DIPK1A: variants seen among roughly 807,000 people sequenced by gnomAD.
DIPK1A encodes divergent protein kinase domain 1A, also known as family with sequence similarity 69 member A.
DIPK1A carries 27 observed loss-of-function variants against 40.8 expected under a neutral mutation model. The ratio of observed to expected loss-of-function variants is 0.66; its 90% confidence interval spans 0.49 to 0.91. The LOEUF (loss-of-function observed/expected upper bound fraction) is 0.91. Among genes scored for constraint, DIPK1A ranks in the 40% least tolerant of loss-of-function variants. The pLI is 0.00. For synonymous variants in DIPK1A, 166 were observed against 171.3 expected (o/e 0.97, Z 0.24); for missense variants, 412 against 505.7 (o/e 0.81, Z 1.78).
rs75466794 is a variant in DIPK1A at position 92,925,180 on chromosome 1, T to C, written c.54+36196A>G. ...TGGTCATGTTGTATTAATCCTTTTATTTATAGCTGGATTCAATTTGTTAAT... is the reference window on the plus strand; with the variant it reads ...TGGTCATGTTGTATTAATCCTTTTACTTATAGCTGGATTCAATTTGTTAAT... On this transcript the variant is annotated intron_variant, in intron 1 of 4. Coordinates refer to ENST00000370310, the MANE Select transcript of DIPK1A (RefSeq NM_001006605.5). Among the ~76,000 whole-genome samples the C allele has an allele frequency of 6.1e-3, 928 of 152,346 alleles. 8 individuals carry two copies. The highest frequency in any genetic ancestry group is 0.02 in the African/African-American group (827 of 41,588).
At chr1:92,886,640 A>C (rs1019557087) in intron 1 of DIPK1A, among the ~76,000 whole-genome samples, 19 of 152,254 alleles carry the variant, frequency 1.2e-4, no homozygotes, top group African/African-American at 4.6e-4. Flanking sequence ...ATAATATTGG[A>C]TAGTGATAAC....
chr1:92,945,896 G>A (rs1046601006), intron 1 of DIPK1A, among the ~76,000 whole-genome samples: 3 of 152,196 alleles, frequency 2.0e-5, no homozygotes, highest in Non-Finnish European at 2.9e-5. Context: ...GTGGCCGATG[G>A]ACAGTGATTT....
intron 2 of DIPK1A, among the ~76,000 whole-genome samples, chr1:92,875,512 T>C (rs1325471555): frequency 1.3e-5 from 2 of 151,490 alleles, no homozygotes; most frequent in East Asian, 3.8e-4. Flanking sequence ...AGGCTAGGAG[T>C]TCAAGACCAG....
chr1:92,908,263 G>A (rs10159030), intron 1 of DIPK1A, among the ~76,000 whole-genome samples: 2,234 of 152,180 alleles, frequency 0.015, 47 homozygotes, highest in African/African-American at 0.045. Flanking sequence ...GGGAGTAGTC[G>A]TCATCACCTG....
At chr1:92,959,198 A>T (rs1350937381) in intron 1 of DIPK1A, among the ~76,000 whole-genome samples, 3 of 152,048 alleles carry the variant, frequency 2.0e-5, no homozygotes, top group Non-Finnish European at 2.9e-5. Flanking sequence ...AGGTGAAAGG[A>T]TTACCTGAGC....
chr1:92,870,098 AC>A (rs1647763112), intron 2 of DIPK1A, among the ~76,000 whole-genome samples: 1 of 152,094 alleles, frequency 6.6e-6, no homozygotes, highest in African/African-American at 2.4e-5. Flanking sequence ...ACACACACAC[AC>A]ACACACACAC....
chr1:92,848,600 C>T (rs1345342024), intron 3 of DIPK1A, among the ~76,000 whole-genome samples: 2 of 152,188 alleles, frequency 1.3e-5, no homozygotes, highest in Non-Finnish European at 2.9e-5. Context: ...GATCCTCTTC[C>T]ACCCCCAGGT....
chr1:92,894,369 A>G (rs1305164779), intron 1 of DIPK1A, among the ~76,000 whole-genome samples: 4 of 152,126 alleles, frequency 2.6e-5, no homozygotes, highest in African/African-American at 7.3e-5. Context: ...CCGCTCAACT[A>G]CATGGAAACT....
chr1:92,885,524 T>G (rs1418035150), intron 1 of DIPK1A, among the ~76,000 whole-genome samples: 2 of 152,106 alleles, frequency 1.3e-5, no homozygotes, highest in Non-Finnish European at 2.9e-5. Context: ...CCCAGCTAAT[T>G]TTTGTATTTT....
In DIPK1A at chr1:92,843,991, C is replaced by T. The variant is rs755094640; in HGVS notation, c.679G>A (p.Val227Met). 5 of 1,551,988 alleles carry T rather than the reference C, an allele frequency of 3.2e-6. No homozygotes were observed. Among genetic ancestry groups the T allele is most frequent in the South Asian group, 2.4e-5 (2 of 84,060 alleles). The change falls in exon 5 of 5, where the codon GTG (valine) becomes ATG (methionine). Residue 227 changes from valine to methionine, a missense_variant. Coordinates refer to ENST00000370310, the MANE Select transcript of DIPK1A (RefSeq NM_001006605.5). ...GAGGTATATTCAACACTTTCCATCACATAGAGGTCACCACAGAATCCCATT... is the reference window on the plus strand; with the variant it reads ...GAGGTATATTCAACACTTTCCATCATATAGAGGTCACCACAGAATCCCATT... ...KLMGFCGDLY[V>M]MESVEYTSLY...
intron 2 of DIPK1A, among the ~76,000 whole-genome samples, chr1:92,865,317 C>G (rs1647485421): frequency 6.6e-6 from 1 of 151,288 alleles, no homozygotes; most frequent in Non-Finnish European, 1.5e-5. Context: ...GAGCTATGAT[C>G]CTGCCACTAC....
At chr1:92,853,201 T>C (rs895367252) in intron 2 of DIPK1A, among the ~76,000 whole-genome samples, 2 of 151,968 alleles carry the variant, frequency 1.3e-5, no homozygotes, top group African/African-American at 4.8e-5. Context: ...TGAAGGAGAA[T>C]GGGAACTGAA....
intron 1 of DIPK1A, among the ~76,000 whole-genome samples, chr1:92,949,971 G>A (rs1264942848): frequency 1.3e-5 from 2 of 152,180 alleles, no homozygotes; most frequent in Non-Finnish European, 2.9e-5. Context: ...CTCTCAAAGA[G>A]ATCACAGTCT....
At chr1:92,901,185 T>C (rs1649397575) in intron 1 of DIPK1A, among the ~76,000 whole-genome samples, 1 of 151,982 alleles carries the variant, frequency 6.6e-6, no homozygotes, top group African/African-American at 2.4e-5. Context: ...TCAAGGGCCT[T>C]TGGGGTCCTT....
rs1462473391 is a variant in DIPK1A, at chr1:92,948,765, A to ACG, written c.54+12610_54+12611insCG. ...TATATATACATATATATGTATATAT[A>ACG]TGTGTGTGTGTGTATATATATATAT... On this transcript the variant is annotated intron_variant, in intron 1 of 4. Coordinates refer to ENST00000370310, the MANE Select transcript of DIPK1A (RefSeq NM_001006605.5). Among the ~76,000 whole-genome samples the ACG allele has an allele frequency of 7.7e-3, 1,091 of 142,076 alleles. 9 individuals are homozygous for ACG. The highest frequency in any genetic ancestry group is 0.022 in the African/African-American group (853 of 38,918). 93.2% of individuals were successfully genotyped at this position (142,076 alleles called of 152,430 possible).
At chr1:92,842,150 CA>C (rs761247567), downstream of DIPK1A, 519 of 1,037,998 alleles carry the variant, frequency 5.0e-4, no homozygotes, top group Non-Finnish European at 5.7e-4. Context: ...AGCAACAGAC[CA>C]ACCATCAGTG....
At chr1:92,847,122 C>T (rs1687666247) in intron 4 of DIPK1A, 61 bp downstream of exon 4, 2 of 1,079,754 alleles carry the variant, frequency 1.9e-6, no homozygotes, top group Non-Finnish European at 2.5e-6. Context: ...AGGATGAGGT[C>T]CTGCCAATTC....
intron 3 of DIPK1A, among the ~76,000 whole-genome samples, chr1:92,848,191 C>T (rs1687700922): frequency 6.6e-6 from 1 of 152,078 alleles, no homozygotes; most frequent in African/African-American, 2.4e-5. Context: ...ATAGGTTGCC[C>T]CTCTTCTACA....
intron 1 of DIPK1A, among the ~76,000 whole-genome samples, chr1:92,911,491 C>T (rs1649823819): frequency 6.6e-6 from 1 of 152,186 alleles, no homozygotes; most frequent in African/African-American, 2.4e-5. Context: ...TAAGACATTA[C>T]ATGTATCAAC....
Sources: gnomAD v4.1 joint callset for allele counts (sites outside exome capture counted in the v4.1 genomes callset) on GRCh38, gnomAD v4.1.1 for gene constraint, MANE v1.5 for transcripts, NCBI Gene and HGNC (gene_info 2026-07-23, HGNC 2026-07-21) for gene names.